PIK3R4: variants seen among roughly 807,000 people sequenced by gnomAD.
PIK3R4 encodes phosphoinositide-3-kinase regulatory subunit 4.
In PIK3R4, 46 loss-of-function variants were observed where a neutral mutation model predicts 136.5. The observed-to-expected ratio is 0.34, with a 90% CI of 0.27 to 0.43. The LOEUF is 0.43. Among genes scored for constraint, PIK3R4 ranks in the 20% least tolerant of loss-of-function variants. PIK3R4 has a pLI of 1.00. For synonymous variants in PIK3R4, 557 were observed against 566.7 expected (o/e 0.98, Z 0.24); for missense variants, 1,331 against 1,649.5 (o/e 0.81, Z 3.35).
In PIK3R4 at chr3:130,744,530, C is replaced by T; in HGVS notation, c.689G>A (p.Arg230Lys). 1 of 1,614,138 alleles carries T rather than the reference C, an allele frequency of 6.2e-7. No homozygotes were observed. The highest frequency in any genetic ancestry group is 8.5e-7 in the Non-Finnish European group (1 of 1,179,992). Residue 230 changes from arginine to lysine, a missense_variant, in exon 2 of 20, where the codon AGA becomes AAA. Physicochemically the swap from Arg to Lys is conservative, Grantham distance 26 (BLOSUM62 2). Around this residue, in one of 2 missense-constraint regions of PIK3R4, gnomAD observed 1,180 missense variants for 1,407.0 expected, o/e 0.84. Transcript: ENST00000356763. ...TPLVDLNSNQ[R>K]TRGELKRAMD... ...TGCTCTCTTCAACTCTCCTCTTGTT[C>T]TCTGATTGCTATTTAAGTCTACAAG...
intron 9 of PIK3R4, among the ~76,000 whole-genome samples, chr3:130,709,234 A>G (rs1406470406): frequency 6.6e-6 from 1 of 152,196 alleles, no homozygotes; most frequent in East Asian, 1.9e-4. Flanking sequence ...TAAGTAATCA[A>G]TCTAAATAAT....
At chr3:130,686,088 G>GAAA in intron 15 of PIK3R4, 123 bp downstream of exon 15, 6 of 513,092 alleles carry the variant, frequency 1.2e-5, no homozygotes, top group South Asian at 2.5e-5. Context: ...ACATGACTAT[G>GAAA]AAAAAAAAAA....
intron 5 of PIK3R4, among the ~76,000 whole-genome samples, chr3:130,729,545 A>G (rs556919780): frequency 1.3e-5 from 2 of 152,306 alleles, no homozygotes; most frequent in East Asian, 3.9e-4. Context: ...GTTATAGGAC[A>G]GTATTATTTT....
At chr3:130,716,899 C>T (rs968771731) in intron 8 of PIK3R4, among the ~76,000 whole-genome samples, 4 of 152,290 alleles carry the variant, frequency 2.6e-5, no homozygotes, top group South Asian at 2.1e-4. Flanking sequence ...TGTCAGACAA[C>T]GTCCTAGATC....
intron 13 of PIK3R4, among the ~76,000 whole-genome samples, chr3:130,692,496 C>T (rs2066524658): frequency 6.6e-6 from 1 of 152,212 alleles, no homozygotes; most frequent in Admixed American, 6.5e-5. Flanking sequence ...TTTCACATAA[C>T]ATAATGTCAA....
At chr3:130,682,707 T>G (rs530086684) in intron 16 of PIK3R4, among the ~76,000 whole-genome samples, 1 of 152,302 alleles carries the variant, frequency 6.6e-6, no homozygotes, top group South Asian at 2.1e-4. Flanking sequence ...CCAGCCCATA[T>G]TACTGTGCTA....
intron 13 of PIK3R4, among the ~76,000 whole-genome samples, chr3:130,700,037 G>T (rs184500502): frequency 6.6e-5 from 10 of 152,314 alleles, no homozygotes; most frequent in Admixed American, 2.0e-4. Flanking sequence ...TTGTCTCACT[G>T]AGAGAGGCCT....
chr3:130,709,562 T>G (rs757171421), intron 9 of PIK3R4, among the ~76,000 whole-genome samples: 1 of 152,116 alleles, frequency 6.6e-6, no homozygotes, highest in Non-Finnish European at 1.5e-5. Context: ...CTTGCAATAC[T>G]TGGTTTATTT....
chr3:130,746,142 AAAG>A, intron 1 of PIK3R4, among the ~76,000 whole-genome samples, 173 bp downstream of exon 1: 1 of 152,340 alleles, frequency 6.6e-6, no homozygotes, highest in East Asian at 1.9e-4. Flanking sequence ...CACCCAGCTA[AAAG>A]AAGGTGCAAA....
At chr3:130,722,348 T>G (rs910008728) in intron 7 of PIK3R4, among the ~76,000 whole-genome samples, 1 of 152,124 alleles carries the variant, frequency 6.6e-6, no homozygotes, top group East Asian at 1.9e-4. Context: ...ACTAAAGATA[T>G]ATGAGCACTC....
chr3:130,726,515 C>T (rs927222889), intron 6 of PIK3R4, among the ~76,000 whole-genome samples: 3 of 152,016 alleles, frequency 2.0e-5, no homozygotes, highest in Non-Finnish European at 4.4e-5. Flanking sequence ...CTGAACCCAA[C>T]AGTATAGCTC....
intron 14 of PIK3R4, among the ~76,000 whole-genome samples, chr3:130,687,078 T>TC (rs1485830367): frequency 6.6e-6 from 1 of 151,750 alleles, no homozygotes; most frequent in African/African-American, 2.4e-5. Context: ...TGGGTTTTTT[T>TC]TTTTTTTTAG....
intron 12 of PIK3R4, among the ~76,000 whole-genome samples, chr3:130,704,765 A>G (rs1350072128): frequency 2.6e-5 from 4 of 152,068 alleles, no homozygotes; most frequent in Non-Finnish European, 5.9e-5. Flanking sequence ...TCAAAATTTT[A>G]ATGTTGATCA....
chr3:130,705,901 C>A, intron 11 of PIK3R4, 130 bp from the exon 12 acceptor site: 1 of 519,760 alleles, frequency 1.9e-6, no homozygotes, highest in Non-Finnish European at 3.3e-6. Context: ...ATTTTAAAAT[C>A]GATATAATTA....
In PIK3R4 at chr3:130,716,615, A is replaced by T. The variant is rs751893101; in HGVS notation, c.2128-16T>A. The T allele has an allele frequency of 1.0e-5, 16 of 1,553,036 alleles. No individual in the cohort carries two copies. Among genetic ancestry groups the T allele is most frequent in the African/African-American group, 1.4e-5 (1 of 72,976 alleles). On this transcript the variant is annotated splice_polypyrimidine_tract_variant and intron_variant, in intron 8 of 19. Transcript: ENST00000356763. ...TTCTTTCAATCTATATTGGAAAAAT[A>T]AAAAGGATCAGCCAAAAATATAACA...
At chr3:130,680,234 G>A (rs1225089996) in intron 19 of PIK3R4, among the ~76,000 whole-genome samples, 3 of 152,106 alleles carry the variant, frequency 2.0e-5, no homozygotes, top group Non-Finnish European at 4.4e-5. Context: ...TGAAGTTTTT[G>A]CCTGAGTCAA....
At chr3:130,694,212 G>A (rs1180876298) in intron 13 of PIK3R4, among the ~76,000 whole-genome samples, 1 of 151,910 alleles carries the variant, frequency 6.6e-6, no homozygotes, top group Non-Finnish European at 1.5e-5. Flanking sequence ...AGAAGTGTGA[G>A]TCCTTCAATT....
intron 2 of PIK3R4, among the ~76,000 whole-genome samples, chr3:130,742,553 G>C (rs1444239256): frequency 6.6e-6 from 1 of 152,134 alleles, no homozygotes; most frequent in African/African-American, 2.4e-5. Flanking sequence ...ACAACCTTGA[G>C]GCTAACCCTA....
chr3:130,717,514 A>G (rs558676679), intron 8 of PIK3R4, among the ~76,000 whole-genome samples: 2 of 152,088 alleles, frequency 1.3e-5, no homozygotes, highest in African/African-American at 2.4e-5. Context: ...TCATGTATAT[A>G]TAAGTTGCTC....
Sources: allele counts gnomAD v4.1 joint callset (sites outside exome capture counted in the v4.1 genomes callset), GRCh38; gene constraint gnomAD v4.1.1; regional missense constraint gnomAD v4.1.1; transcripts MANE v1.5; gene names NCBI Gene and HGNC (gene_info 2026-07-23, HGNC 2026-07-21).